IFT80: variants seen among roughly 807,000 people sequenced by gnomAD.
IFT80 encodes the protein intraflagellar transport protein 80 homolog.
IFT80 carries 79 observed loss-of-function variants against 107.9 expected under a neutral mutation model. The observed-to-expected ratio is 0.73, with a 90% CI of 0.61 to 0.88. IFT80 has a LOEUF of 0.88. Ranked by LOEUF, IFT80 falls within the 40% of genes least tolerant of loss-of-function variation. The probability of loss-of-function intolerance (pLI) is 0.00; values close to 1 mark genes in which losing one functional copy is unlikely to be tolerated. For missense variants in IFT80, 797 were observed against 914.2 expected, an observed-to-expected ratio of 0.87 and a Z score of 1.65; for synonymous variants, 299 against 300.9, an observed-to-expected ratio of 0.99 and a Z score of 0.07.
At position 160,258,081 on chromosome 3, in the gene IFT80, A is replaced by G. The variant is rs1712498906; in HGVS notation, c.*444T>C. On this transcript the variant is annotated 3_prime_UTR_variant, in exon 20 of 20. Coordinates refer to ENST00000326448, the MANE Select transcript of IFT80 (RefSeq NM_020800.3). The stretch of plus-strand genomic sequence containing the variant: ...GTGTATAAATAGTGGCATTTTATAC[A>G]TTTGTACAAATCCATCCTCATGTAT... The G allele has an allele frequency of 5.1e-6, 1 of 197,598 alleles. No individual in the cohort carries two copies. Among genetic ancestry groups the G allele is most frequent in the Non-Finnish European group, 1.0e-5 (1 of 96,190 alleles). 12.2% of individuals were successfully genotyped at this position (197,598 alleles called of 1,614,324 possible).
chr3:160,340,269 C>T (rs1269790102), intron 8 of IFT80, among the ~76,000 whole-genome samples: 1 of 152,140 alleles, frequency 6.6e-6, no homozygotes, highest in Admixed American at 6.6e-5. Context: ...TCATTGCTAA[C>T]ACTGGCCCTA....
chr3:160,337,921 G>T (rs1234189964), intron 8 of IFT80, among the ~76,000 whole-genome samples: 1 of 151,968 alleles, frequency 6.6e-6, no homozygotes, highest in Non-Finnish European at 1.5e-5. Context: ...TCCTTATTTT[G>T]AGGAAATATT....
In IFT80 at chr3:160,390,362, A is replaced by G. The variant is rs1164601628; in HGVS notation, c.-46-5716T>C. ...AACCCGGGAGGCAGAGGTTGCAGTA[A>G]GCCGAGATCGCACCATTGCACTCCA... On this transcript the variant is annotated intron_variant, in intron 1 of 19. Transcript: ENST00000326448. Among the ~76,000 whole-genome samples the G allele has an allele frequency of 2.6e-5, 4 of 151,896 alleles. No homozygotes were observed. The East Asian group carries it at 5.8e-4, about 22-fold the overall frequency.
chr3:160,382,708 T>A (rs536350763), intron 2 of IFT80, among the ~76,000 whole-genome samples: 1 of 152,328 alleles, frequency 6.6e-6, no homozygotes, highest in South Asian at 2.1e-4. Flanking sequence ...TCCTTTTATT[T>A]CCTTCTTTTC....
At chr3:160,371,535 C>G (rs1299924234) in intron 5 of IFT80, among the ~76,000 whole-genome samples, 2 of 152,118 alleles carry the variant, frequency 1.3e-5, no homozygotes, top group African/African-American at 4.8e-5. Context: ...CCAACGCCCA[C>G]GGGCTCAGAT....
chr3:160,314,048 TTC>T (rs1292643891), intron 9 of IFT80, among the ~76,000 whole-genome samples: 1 of 152,224 alleles, frequency 6.6e-6, no homozygotes, highest in Non-Finnish European at 1.5e-5. Context: ...AGTCTAAACA[TTC>T]TGTTTGCACA....
At chr3:160,317,185 C>A (rs1717886636) in intron 9 of IFT80, among the ~76,000 whole-genome samples, 1 of 151,816 alleles carries the variant, frequency 6.6e-6, no homozygotes, top group Non-Finnish European at 1.5e-5. Flanking sequence ...CAATAGATAC[C>A]CATTGAATTA....
At chr3:160,337,475 A>G (rs1206864091) in intron 8 of IFT80, among the ~76,000 whole-genome samples, 1 of 152,048 alleles carries the variant, frequency 6.6e-6, no homozygotes, top group Non-Finnish European at 1.5e-5. Context: ...TACGAAAAAA[A>G]ATAGCTGGGT....
At chr3:160,345,161 C>T (rs1408876795) in intron 8 of IFT80, among the ~76,000 whole-genome samples, 1 of 152,086 alleles carries the variant, frequency 6.6e-6, no homozygotes, top group Non-Finnish European at 1.5e-5. Flanking sequence ...CTGTTCACAA[C>T]GGGCAAGATG....
chr3:160,344,127 T>G (rs971996681), intron 8 of IFT80, among the ~76,000 whole-genome samples: 3 of 152,226 alleles, frequency 2.0e-5, no homozygotes, highest in Non-Finnish European at 4.4e-5. Context: ...ACATTGTAAT[T>G]TTTATGTGCA....
chr3:160,337,181 A>G (rs929765608), intron 8 of IFT80, among the ~76,000 whole-genome samples: 2 of 152,226 alleles, frequency 1.3e-5, no homozygotes, highest in African/African-American at 2.4e-5. Context: ...AGATGAATAT[A>G]AAATGCTCAC....
At chr3:160,321,159 TA>T (rs1230458891) in intron 8 of IFT80, among the ~76,000 whole-genome samples, 4 of 151,822 alleles carry the variant, frequency 2.6e-5, no homozygotes, top group Non-Finnish European at 5.9e-5. Context: ...AAGAATCAAT[TA>T]AAAAAATACA....
chr3:160,277,561 T>C lies in IFT80; in HGVS notation c.1926+20A>G. On this transcript the variant is annotated intron_variant, in intron 17 of 19. Coordinates refer to ENST00000326448, the MANE Select transcript of IFT80 (RefSeq NM_020800.3). Reference sequence around the variant, plus strand: ...CTAAGAAAAAACACATGTACATATATGTAAACATTAATTACTTACTTCACC... The same window carrying C: ...CTAAGAAAAAACACATGTACATATACGTAAACATTAATTACTTACTTCACC... The C allele has an allele frequency of 6.3e-7, 1 of 1,593,618 alleles. No individual in the cohort carries two copies. The highest frequency in any genetic ancestry group is 8.6e-7 in the Non-Finnish European group (1 of 1,161,552).
intron 8 of IFT80, among the ~76,000 whole-genome samples, chr3:160,342,101 A>G (rs1719942329): frequency 6.6e-6 from 1 of 152,176 alleles, no homozygotes; most frequent in Non-Finnish European, 1.5e-5. Context: ...ACTAATACTT[A>G]TAAGAGGAAG....
chr3:160,331,852 G>A (rs1271502733), intron 8 of IFT80, among the ~76,000 whole-genome samples: 1 of 151,986 alleles, frequency 6.6e-6, no homozygotes, highest in Non-Finnish European at 1.5e-5. Context: ...GTAGAGATAA[G>A]GTCTATGTTG....
intron 6 of IFT80, among the ~76,000 whole-genome samples, chr3:160,358,460 G>T (rs1019863137): frequency 6.6e-6 from 1 of 152,094 alleles, no homozygotes; most frequent in African/African-American, 2.4e-5. Flanking sequence ...AACTTCTGCT[G>T]TATTTACCAT....
intron 12 of IFT80, among the ~76,000 whole-genome samples, chr3:160,295,868 GACATTAT>G (rs1715934009): frequency 6.6e-6 from 1 of 152,168 alleles, no homozygotes; most frequent in Admixed American, 6.5e-5. Context: ...GAACCTGACG[GACATTAT>G]GCTAACTGAA....
chr3:160,276,362 T>G (rs1714265081), intron 18 of IFT80, among the ~76,000 whole-genome samples: 1 of 152,162 alleles, frequency 6.6e-6, no homozygotes, highest in Non-Finnish European at 1.5e-5. Context: ...TTTGTTACTT[T>G]TAGTCAAGGG....
intron 8 of IFT80, among the ~76,000 whole-genome samples, chr3:160,333,348 T>C (rs1198788891): frequency 6.6e-6 from 1 of 152,134 alleles, no homozygotes; most frequent in Non-Finnish European, 1.5e-5. Flanking sequence ...TAAAAAAATT[T>C]TTCTTTCTTC....
Sources: gnomAD v4.1 joint callset for allele counts (sites outside exome capture counted in the v4.1 genomes callset) on GRCh38, gnomAD v4.1.1 for gene constraint, MANE v1.5 for transcripts, NCBI Gene and HGNC (gene_info 2026-07-23, HGNC 2026-07-21) for gene names.